The following OR3A2 variants were observed in gnomAD, a reference collection of about 807,000 sequenced individuals.
OR3A2 encodes the protein olfactory receptor family 3 subfamily A member 2.
For synonymous variants in OR3A2, 126 were observed against 159.3 expected (o/e 0.79, Z 1.57); for missense variants, 318 against 392.8 (o/e 0.81, Z 1.61).
chr17:3,310,715 C>T (rs762062340), intron 3 of OR3A2: 1 of 546,836 alleles, frequency 1.8e-6, no homozygotes, highest in Admixed American at 1.9e-5. Context: ...CCCTCACCTA[C>T]AGCAGCCGCA....
At position 3,343,151 on chromosome 17, in the gene OR3A2, G is replaced by A. The variant is rs529518339; in HGVS notation, c.-178-7025C>T. On this transcript the variant is annotated intron_variant, in intron 2 of 4. Coordinates refer to the OR3A2 transcript ENST00000573491. The stretch of plus-strand genomic sequence containing the variant: ...AGGTTGCAGTGTCCCGATTTTCCCG[G>A]TACAGTCTGTCATGGCTTCCCTTGT... Among the ~76,000 whole-genome samples, 5 of 152,256 alleles carry A rather than the reference G, an allele frequency of 3.3e-5. No homozygotes were observed. In the East Asian group the frequency reaches 9.7e-4, roughly 29 times the overall value.
At chr17:3,346,646 GTT>G (rs569909751) in intron 2 of OR3A2, among the ~76,000 whole-genome samples, 2 of 144,946 alleles carry the variant, frequency 1.4e-5, no homozygotes, top group Non-Finnish European at 3.0e-5. Flanking sequence ...TCTTTCCATG[GTT>G]TTTTTTTTTG....
intron 3 of OR3A2, among the ~76,000 whole-genome samples, chr17:3,303,339 T>C (rs1187006935): frequency 6.6e-6 from 1 of 152,208 alleles, no homozygotes; most frequent in African/African-American, 2.4e-5. Flanking sequence ...CACTAAAATT[T>C]CAAGCCTCTA....
At chr17:3,301,908 A>T (rs2048969081) in intron 3 of OR3A2, among the ~76,000 whole-genome samples, 1 of 152,166 alleles carries the variant, frequency 6.6e-6, no homozygotes, top group Admixed American at 6.5e-5. Flanking sequence ...AATCACAAGC[A>T]TTCCTATAAC....
At chr17:3,292,605 A>C (rs1449078746) in intron 3 of OR3A2, 2 of 1,548,922 alleles carry the variant, frequency 1.3e-6, no homozygotes, top group Non-Finnish European at 1.8e-6. Context: ...AGAAACATCC[A>C]GGGAGGAAAA....
chr17:3,295,206 T>C (rs2048909901), intron 3 of OR3A2, among the ~76,000 whole-genome samples: 1 of 152,122 alleles, frequency 6.6e-6, no homozygotes, highest in South Asian at 2.1e-4. Flanking sequence ...CCTCATCTTC[T>C]ATAGCTGAAT....
At chr17:3,342,262 T>C (rs2049325302) in intron 2 of OR3A2, among the ~76,000 whole-genome samples, 4 of 152,236 alleles carry the variant, frequency 2.6e-5, no homozygotes, top group African/African-American at 4.8e-5. Context: ...TGAAGCCTAC[T>C]TCTGTCAACT....
chr17:3,288,093 A>T (rs2048830201), upstream of OR3A2, among the ~76,000 whole-genome samples: 1 of 151,750 alleles, frequency 6.6e-6, no homozygotes, highest in South Asian at 2.1e-4. Context: ...TAAAATATAA[A>T]ATTAATTTGG....
chr17:3,371,671 ACGGGGCGGC>A (rs1471729264), intron 2 of OR3A2, among the ~76,000 whole-genome samples: 6 of 99,804 alleles, frequency 6.0e-5, no homozygotes, highest in African/African-American at 7.8e-5. Context: ...CACCTCCCGG[ACGGGGCGGC>A]TGGCCGGGCG....
At chr17:3,362,738 G>A (rs1597358916) in intron 2 of OR3A2, among the ~76,000 whole-genome samples, 1 of 151,638 alleles carries the variant, frequency 6.6e-6, no homozygotes, top group Admixed American at 6.6e-5. Context: ...ACTAGCAGAG[G>A]TTATCCGTGA....
At chr17:3,276,752 ATATGTGTGAGGAAGGTAACAT>A (rs2048737833), downstream of OR3A2, among the ~76,000 whole-genome samples, 1 of 152,188 alleles carries the variant, frequency 6.6e-6, no homozygotes, top group Non-Finnish European at 1.5e-5. Flanking sequence ...AAACTTTATC[ATATGTGTGAGGAAGGTAACAT>A]TAAATGAGAG....
Position 3,337,209 on chromosome 17 carries a change from T to G in OR3A2, c.-178-1083A>C, listed in dbSNP as rs188602667. Among the ~76,000 whole-genome samples the G allele has an allele frequency of 3.2e-4, 48 of 152,334 alleles. No individual in the cohort carries two copies. In the East Asian group the frequency reaches 7.7e-3, roughly 24 times the overall value. The stretch of plus-strand genomic sequence containing the variant: ...ATTTTAAGGGTACAGTTCAGTAGGA[T>G]TAAGTATATTCACTTTTTTGTGCAA... On this transcript the variant is annotated intron_variant, in intron 2 of 4. Transcript: ENST00000573491.
At chr17:3,310,893 G>A (rs1567550454) in intron 3 of OR3A2, 2 of 832,710 alleles carry the variant, frequency 2.4e-6, no homozygotes, top group East Asian at 4.5e-5. Context: ...CTGCTCCAGT[G>A]TTCATCTCAA....
At chr17:3,371,009 T>A (rs2049611550) in intron 2 of OR3A2, among the ~76,000 whole-genome samples, 1 of 151,992 alleles carries the variant, frequency 6.6e-6, no homozygotes, top group South Asian at 2.1e-4. Context: ...GTCTCCCATG[T>A]CTACCTCTTT....
intron 2 of OR3A2, among the ~76,000 whole-genome samples, chr17:3,381,506 G>C (rs546961315): frequency 1.2e-3 from 186 of 152,236 alleles, no homozygotes; most frequent in Non-Finnish European, 2.2e-3. Flanking sequence ...GTTTCAACAG[G>C]AGCTGACACA....
intron 3 of OR3A2, among the ~76,000 whole-genome samples, chr17:3,314,949 C>G (rs1121146): frequency 0.15 from 23,054 of 152,140 alleles, 2,322 homozygotes; most frequent in African/African-American, 0.28. Flanking sequence ...TTTATTTTCT[C>G]TTTCTGCATT....
rs1348557659 is a variant in OR3A2 at position 3,327,089 on chromosome 17, T to A, written c.-85+8944A>T. Among the ~76,000 whole-genome samples the A allele has an allele frequency of 5.1e-5, 4 of 77,750 alleles. 2 individuals are homozygous for A. Among genetic ancestry groups the A allele is most frequent in the African/African-American group, 3.1e-4 (4 of 12,910 alleles). 51.0% of individuals were successfully genotyped at this position (77,750 alleles called of 152,430 possible). ...TATACCCAGTCATGGGATGGCTGGG[T>A]CAAATGGTATTTCTAGTTCTAGATC... On this transcript the variant is annotated intron_variant, in intron 3 of 4. Transcript: ENST00000573491.
intron 3 of OR3A2, among the ~76,000 whole-genome samples, chr17:3,320,855 G>A (rs1198955100): frequency 2.0e-5 from 3 of 151,856 alleles, no homozygotes; most frequent in East Asian, 1.9e-4. Context: ...TTGACTTGGC[G>A]GTGCGGGCTC....
chr17:3,280,168 C>T lies in OR3A2; in HGVS notation c.-6-1245G>A, dbSNP rs376969637. 1.7e-4 allele frequency among the ~76,000 whole-genome samples: 26 copies of T among 152,274 alleles called. No homozygotes were observed. The East Asian group carries it at 4.6e-3, about 27-fold the overall frequency. Reference sequence around the variant, plus strand: ...CTGCATTGCACAGTCACTGTCCTTCCCTTGTCCTTGACTTAGGCACGGTAG... The same window carrying T: ...CTGCATTGCACAGTCACTGTCCTTCTCTTGTCCTTGACTTAGGCACGGTAG... On this transcript the variant is annotated intron_variant, in intron 1 of 1. Coordinates refer to ENST00000642052, the Ensembl canonical transcript of OR3A2.
Sources: gnomAD v4.1 joint callset for allele counts (sites outside exome capture counted in the v4.1 genomes callset) on GRCh38, gnomAD v4.1.1 for gene constraint, MANE v1.5 for transcripts, NCBI Gene and HGNC (gene_info 2026-07-23, HGNC 2026-07-21) for gene names.